Variants in FRMD4A observed in about 807,000 individuals in gnomAD.
FRMD4A encodes FERM domain-containing protein 4A.
In FRMD4A, 29 loss-of-function variants were observed where a neutral mutation model predicts 129.1. The observed-to-expected ratio is 0.22, with a 90% CI of 0.17 to 0.31. The LOEUF is 0.31. Ranked by LOEUF, FRMD4A falls within the 10% of genes least tolerant of loss-of-function variation. The pLI is 1.00. For missense variants in FRMD4A, 1,272 were observed against 1,375.8 expected (o/e 0.92, Z 1.19); for synonymous variants, 634 against 571.6 (o/e 1.11, Z -1.56).
At chr10:13,865,736 T>C (rs2094358706) in intron 2 of FRMD4A, among the ~76,000 whole-genome samples, 2 of 152,110 alleles carry the variant, frequency 1.3e-5, no homozygotes, top group Admixed American at 1.3e-4. Flanking sequence ...GTGCCTGGCC[T>C]AGAGCATTTT....
At chr10:13,681,998 C>A (rs182365153) in intron 15 of FRMD4A, among the ~76,000 whole-genome samples, 1 of 152,150 alleles carries the variant, frequency 6.6e-6, no homozygotes, top group African/African-American at 2.4e-5. Context: ...AATGGGAGGA[C>A]TGCTTGAGGC....
At chr10:14,237,281 C>T (rs553139312) in intron 2 of FRMD4A, among the ~76,000 whole-genome samples, 11 of 152,130 alleles carry the variant, frequency 7.2e-5, no homozygotes, top group East Asian at 5.8e-4. Context: ...ACTTTTTCAG[C>T]GGATGCATTT....
chr10:13,855,584 G>C (rs990943000), intron 3 of FRMD4A, among the ~76,000 whole-genome samples: 1 of 152,132 alleles, frequency 6.6e-6, no homozygotes, highest in African/African-American at 2.4e-5. Context: ...CAGGTCAAAA[G>C]ATCAGGAAAG....
At chr10:14,156,502 C>A (rs947400873) in intron 2 of FRMD4A, among the ~76,000 whole-genome samples, 1 of 152,076 alleles carries the variant, frequency 6.6e-6, no homozygotes, top group East Asian at 1.9e-4. Flanking sequence ...ATATAAATAA[C>A]GGTATCAGAT....
intron 2 of FRMD4A, among the ~76,000 whole-genome samples, chr10:14,116,780 C>G (rs1024754197): frequency 1.3e-5 from 2 of 152,218 alleles, no homozygotes; most frequent in African/African-American, 4.8e-5. Flanking sequence ...CTTCACCTGC[C>G]ATAATTTTTC....
chr10:13,961,753 T>A (rs1006380303), intron 2 of FRMD4A, among the ~76,000 whole-genome samples: 1 of 152,222 alleles, frequency 6.6e-6, no homozygotes, highest in Non-Finnish European at 1.5e-5. Context: ...TTAATTTGAC[T>A]TGAATTTGTC....
chr10:13,685,639 G>T, intron 15 of FRMD4A: 1 of 984,338 alleles, frequency 1.0e-6, no homozygotes, highest in Non-Finnish European at 1.2e-6. Flanking sequence ...AGAAACGCTC[G>T]TGGGAAGTGA....
chr10:13,659,567 A>G, intron 20 of FRMD4A, 77 bp from the exon 21 acceptor site: 1 of 1,419,636 alleles, frequency 7.0e-7, no homozygotes, highest in East Asian at 2.3e-5. Flanking sequence ...GTTCAGGACA[A>G]TGATCCCAGC....
At chr10:14,127,547 T>C (rs1838913984) in intron 2 of FRMD4A, among the ~76,000 whole-genome samples, 1 of 152,184 alleles carries the variant, frequency 6.6e-6, no homozygotes, top group Non-Finnish European at 1.5e-5. Flanking sequence ...ATTCACTTCC[T>C]GGCTTTCTGT....
At chr10:14,323,247 C>A (rs976292612) in intron 2 of FRMD4A, among the ~76,000 whole-genome samples, 4 of 152,184 alleles carry the variant, frequency 2.6e-5, no homozygotes, top group African/African-American at 9.7e-5. Flanking sequence ...GGTAGACAAT[C>A]ATTTCATATC....
chr10:13,990,501 G>C (rs1047358680), intron 2 of FRMD4A, among the ~76,000 whole-genome samples: 1 of 152,200 alleles, frequency 6.6e-6, no homozygotes, highest in African/African-American at 2.4e-5. Context: ...TAGGAAATGA[G>C]GGAGGAAAAT....
chr10:14,161,448 G>A (rs1840882903), intron 2 of FRMD4A, among the ~76,000 whole-genome samples: 1 of 152,120 alleles, frequency 6.6e-6, no homozygotes, highest in Non-Finnish European at 1.5e-5. Flanking sequence ...AATATATAAA[G>A]AAAATGTGAC....
intron 12 of FRMD4A, among the ~76,000 whole-genome samples, chr10:13,720,784 T>C (rs897393850): frequency 1.3e-5 from 2 of 152,170 alleles, no homozygotes; most frequent in African/African-American, 4.8e-5. Context: ...GGGAAAAGGA[T>C]GACTGCAGAT....
At chr10:13,897,098 T>C (rs2094767595) in intron 2 of FRMD4A, among the ~76,000 whole-genome samples, 1 of 152,224 alleles carries the variant, frequency 6.6e-6, no homozygotes, top group African/African-American at 2.4e-5. Context: ...AATCAAAGAA[T>C]ATTTTGCAAA....
At position 13,777,679 on chromosome 10, in the gene FRMD4A, C is replaced by T. The variant is rs562085279; in HGVS notation, c.384+5243G>A. Among the ~76,000 whole-genome samples, 7 of 151,932 alleles carry T rather than the reference C, an allele frequency of 4.6e-5. No individual in the cohort carries two copies. The East Asian group carries it at 7.7e-4, about 17-fold the overall frequency. On this transcript the variant is annotated intron_variant, in intron 6 of 24. Coordinates refer to ENST00000357447, the MANE Select transcript of FRMD4A (RefSeq NM_018027.5). ...TTTCCCTGAATCGCAAAGTCCTAGG[C>T]GTGCATGATGTTCAGAGGCCTTCAG...
chr10:14,310,093 A>C (rs1846492238), intron 2 of FRMD4A, among the ~76,000 whole-genome samples: 1 of 151,782 alleles, frequency 6.6e-6, no homozygotes, highest in Non-Finnish European at 1.5e-5. Flanking sequence ...CGAGGATCCT[A>C]CCTCTCATCG....
intron 21 of FRMD4A, among the ~76,000 whole-genome samples, chr10:13,658,711 T>A (rs147140191): frequency 2.5e-4 from 38 of 152,156 alleles, no homozygotes; most frequent in African/African-American, 8.2e-4. Context: ...TGAAACCCCG[T>A]CTCTACTAAA....
At chr10:14,005,947 A>T (rs1188623950) in intron 2 of FRMD4A, among the ~76,000 whole-genome samples, 19 of 152,314 alleles carry the variant, frequency 1.2e-4, no homozygotes, top group Non-Finnish European at 2.1e-4. Context: ...GCTGTGAGAC[A>T]ATGGAAACCA....
intron 14 of FRMD4A, among the ~76,000 whole-genome samples, chr10:13,698,914 C>A (rs1214952662): frequency 6.6e-6 from 1 of 152,188 alleles, no homozygotes; most frequent in Non-Finnish European, 1.5e-5. Flanking sequence ...TTCTCCTTCT[C>A]CTTCTGGGAG....
Sources: gnomAD v4.1 joint callset for allele counts (sites outside exome capture counted in the v4.1 genomes callset) on GRCh38, gnomAD v4.1.1 for gene constraint, MANE v1.5 for transcripts, NCBI Gene and HGNC (gene_info 2026-07-23, HGNC 2026-07-21) for gene names.